The following RIT2 variants were observed in gnomAD, a reference collection of about 807,000 sequenced individuals.
RIT2 encodes Ras like without CAAX 2, also known as GTP-binding protein Rit2.
In RIT2, 24 loss-of-function variants were observed where a neutral mutation model predicts 23.7. That is an observed-to-expected ratio of 1.01 (90% CI 0.73 to 1.43). The LOEUF (loss-of-function observed/expected upper bound fraction) is 1.43, where lower values mean the gene tolerates loss of function less well. Ranked by LOEUF, RIT2 falls within the 40% of genes most tolerant of loss-of-function variation. The pLI, the probability that RIT2 is intolerant of heterozygous loss-of-function variation, is 0.00. For missense variants in RIT2, 236 were observed against 266.9 expected (o/e 0.88, Z 0.81); for synonymous variants, 107 against 91.1 (o/e 1.17, Z -0.99).
intron 2 of RIT2, among the ~76,000 whole-genome samples, chr18:43,026,573 TAAGAAAGA>T (rs199513808): frequency 0.11 from 8,507 of 77,190 alleles, 472 homozygotes; most frequent in East Asian, 0.26. Context: ...AAGAAATAAA[TAAGAAAGA>T]AAGAAAGAAA....
At chr18:42,883,148 G>A (rs192094222) in intron 4 of RIT2, among the ~76,000 whole-genome samples, 22 of 151,028 alleles carry the variant, frequency 1.5e-4, no homozygotes, top group Middle Eastern at 3.4e-3. Context: ...GTGTGTGTGC[G>A]TGTGTGTGTG....
intron 4 of RIT2, among the ~76,000 whole-genome samples, chr18:42,862,604 T>C (rs1486864980): frequency 1.3e-5 from 2 of 152,232 alleles, no homozygotes; most frequent in Admixed American, 6.5e-5. Context: ...TGGTTTTAAA[T>C]TGTAGTGCCA....
At chr18:43,095,129 A>G (rs1163347194) in intron 1 of RIT2, among the ~76,000 whole-genome samples, 3 of 152,144 alleles carry the variant, frequency 2.0e-5, no homozygotes, top group African/African-American at 7.2e-5. Context: ...TCCTTGAGGA[A>G]TAGCCACACT....
intron 1 of RIT2, among the ~76,000 whole-genome samples, chr18:43,074,252 C>A (rs1290728486): frequency 6.6e-6 from 1 of 152,192 alleles, no homozygotes; most frequent in Non-Finnish European, 1.5e-5. Flanking sequence ...GCAATGAACA[C>A]ACTTGAATCT....
intron 2 of RIT2, among the ~76,000 whole-genome samples, chr18:43,027,943 C>A (rs1407305321): frequency 6.6e-6 from 1 of 152,062 alleles, no homozygotes; most frequent in East Asian, 1.9e-4. Context: ...GTTGCTCATG[C>A]ATTCTTGTAT....
intron 4 of RIT2, among the ~76,000 whole-genome samples, chr18:42,744,133 C>G (rs992890063): frequency 6.6e-6 from 1 of 152,106 alleles, no homozygotes; most frequent in South Asian, 2.1e-4. Context: ...GAACAAACCC[C>G]CTTTGACTGT....
intron 2 of RIT2, among the ~76,000 whole-genome samples, chr18:42,979,940 G>T (rs1945001): frequency 0.082 from 12,408 of 152,152 alleles, 618 homozygotes; most frequent in East Asian, 0.19. Flanking sequence ...AGAACACTCA[G>T]AGGAACTGAT....
At chr18:42,767,739 T>C (rs895181153) in intron 4 of RIT2, among the ~76,000 whole-genome samples, 2 of 152,164 alleles carry the variant, frequency 1.3e-5, no homozygotes, top group African/African-American at 4.8e-5. Context: ...AATTCCCACA[T>C]GTTTTAAGAG....
intron 4 of RIT2, among the ~76,000 whole-genome samples, chr18:42,823,752 T>C (rs1430905646): frequency 6.6e-6 from 1 of 152,164 alleles, no homozygotes; most frequent in Non-Finnish European, 1.5e-5. Context: ...CTATTTAATG[T>C]TTACAGAAAA....
At chr18:42,815,483 C>G (rs1171218966) in intron 4 of RIT2, among the ~76,000 whole-genome samples, 1 of 152,062 alleles carries the variant, frequency 6.6e-6, no homozygotes, top group Non-Finnish European at 1.5e-5. Context: ...GTTAAACGAC[C>G]AAACTTAAGA....
intron 4 of RIT2, among the ~76,000 whole-genome samples, chr18:42,745,811 C>A (rs1409146142): frequency 6.6e-6 from 1 of 152,012 alleles, no homozygotes; most frequent in African/African-American, 2.4e-5. Flanking sequence ...TTTTCAGTCA[C>A]CTGTAAGAAT....
chr18:42,768,084 CAT>C (rs140445799), intron 4 of RIT2, among the ~76,000 whole-genome samples: 5,394 of 150,758 alleles, frequency 0.036, 306 homozygotes, highest in East Asian at 0.23. Context: ...TAGTATATAG[CAT>C]ATATATATAT....
intron 4 of RIT2, among the ~76,000 whole-genome samples, chr18:42,912,983 A>C (rs1401176478): frequency 1.3e-5 from 2 of 151,966 alleles, no homozygotes; most frequent in African/African-American, 4.8e-5. Flanking sequence ...ACGAGGGAGG[A>C]ATTATTGATG....
At chr18:42,755,413 C>T (rs1913139049) in intron 4 of RIT2, among the ~76,000 whole-genome samples, 1 of 152,112 alleles carries the variant, frequency 6.6e-6, no homozygotes, top group African/African-American at 2.4e-5. Context: ...TACAGGTCTC[C>T]TCCTGGCTGT....
At chr18:42,837,153 C>CTTTTCT (rs1568008832) in intron 4 of RIT2, among the ~76,000 whole-genome samples, 16 of 51,696 alleles carry the variant, frequency 3.1e-4, no homozygotes, top group Non-Finnish European at 4.7e-4. Flanking sequence ...TTTTCTTTTT[C>CTTTTCT]TTTTTTTTTT....
chr18:42,884,282 G>T (rs1054198543), intron 4 of RIT2, among the ~76,000 whole-genome samples: 3 of 152,064 alleles, frequency 2.0e-5, no homozygotes, highest in African/African-American at 7.3e-5. Flanking sequence ...TAGCCCGGAG[G>T]GTGGAGACTC....
chr18:42,775,227 A>C (rs1913640145), intron 4 of RIT2, among the ~76,000 whole-genome samples: 1 of 152,286 alleles, frequency 6.6e-6, no homozygotes, highest in Admixed American at 6.5e-5. Flanking sequence ...ATCTTTAATA[A>C]GGCTAATCAC....
intron 4 of RIT2, among the ~76,000 whole-genome samples, chr18:42,902,516 A>G (rs1008284199): frequency 2.0e-5 from 3 of 151,564 alleles, no homozygotes; most frequent in Non-Finnish European, 4.4e-5. Flanking sequence ...TAATTTACAT[A>G]TATTATTTTT....
intron 4 of RIT2, among the ~76,000 whole-genome samples, chr18:42,897,368 G>C (rs1221286003): frequency 6.6e-6 from 1 of 152,052 alleles, no homozygotes; most frequent in Non-Finnish European, 1.5e-5. Flanking sequence ...GGTTTGACTT[G>C]GTGCCCAGAG....
Sources: gnomAD v4.1 joint callset for allele counts (sites outside exome capture counted in the v4.1 genomes callset) on GRCh38, gnomAD v4.1.1 for gene constraint, MANE v1.5 for transcripts, NCBI Gene and HGNC (gene_info 2026-07-23, HGNC 2026-07-21) for gene names.